GPC6: variants seen among roughly 807,000 people sequenced by gnomAD.
GPC6 encodes glypican 6.
GPC6 carries 14 observed loss-of-function variants against 55.2 expected under a neutral mutation model. The observed-to-expected ratio is 0.25, with a 90% CI of 0.17 to 0.40. GPC6 has a LOEUF of 0.40. GPC6 is among the 10% of genes least tolerant of loss of function. The pLI, the probability that GPC6 is intolerant of heterozygous loss-of-function variation, is 1.00. For missense variants in GPC6, 641 were observed against 708.5 expected (o/e 0.90, Z 1.08); for synonymous variants, 278 against 259.6 (o/e 1.07, Z -0.68).
chr13:94,000,670 A>G (rs1304999404), intron 3 of GPC6, among the ~76,000 whole-genome samples: 1 of 152,216 alleles, frequency 6.6e-6, no homozygotes, highest in Non-Finnish European at 1.5e-5. Flanking sequence ...TAGGCATGGC[A>G]GAAACTTAAA....
chr13:93,393,939 G>A (rs1421561628), intron 1 of GPC6, among the ~76,000 whole-genome samples: 1 of 151,852 alleles, frequency 6.6e-6, no homozygotes, highest in Non-Finnish European at 1.5e-5. Flanking sequence ...GTATAGCAGA[G>A]ACTCAGTAAA....
At chr13:93,415,363 A>G (rs1163412658) in intron 1 of GPC6, among the ~76,000 whole-genome samples, 1 of 152,126 alleles carries the variant, frequency 6.6e-6, no homozygotes, top group Non-Finnish European at 1.5e-5. Flanking sequence ...AATGGTATAA[A>G]TAAGACCTTT....
chr13:93,805,167 G>A (rs186975592), intron 2 of GPC6, among the ~76,000 whole-genome samples: 4 of 152,218 alleles, frequency 2.6e-5, no homozygotes, highest in African/African-American at 7.2e-5. Context: ...CATATGAATA[G>A]CAAGGGCACA....
intron 1 of GPC6, among the ~76,000 whole-genome samples, chr13:93,455,232 C>G (rs1032373651): frequency 2.0e-5 from 3 of 152,192 alleles, no homozygotes; most frequent in African/African-American, 7.2e-5. Flanking sequence ...AAAGGGGCTC[C>G]CACAGTGCAG....
intron 3 of GPC6, among the ~76,000 whole-genome samples, chr13:93,979,473 C>T (rs1411214764): frequency 6.6e-6 from 1 of 151,324 alleles, no homozygotes; most frequent in Non-Finnish European, 1.5e-5. Flanking sequence ...TCCTGGCGCA[C>T]TGTATTAATA....
chr13:94,378,848 A>G (rs1044193344), intron 6 of GPC6, among the ~76,000 whole-genome samples: 3 of 152,222 alleles, frequency 2.0e-5, no homozygotes, highest in Admixed American at 2.0e-4. Context: ...TATTGGTAAG[A>G]GTTCATTTGT....
intron 3 of GPC6, among the ~76,000 whole-genome samples, chr13:93,837,900 G>A (rs1887799643): frequency 6.6e-6 from 1 of 152,172 alleles, no homozygotes; most frequent in Non-Finnish European, 1.5e-5. Context: ...GCAGAGGTGT[G>A]AAACTGAATG....
chr13:93,632,584 G>A (rs1487118962), intron 2 of GPC6, among the ~76,000 whole-genome samples: 4 of 53,418 alleles, frequency 7.5e-5, no homozygotes, highest in Non-Finnish European at 2.9e-4. Flanking sequence ...GCCAAACCAT[G>A]TCTCAAATAT....
At position 94,027,867 on chromosome 13, in the gene GPC6, C is replaced by G; in HGVS notation, c.850C>G (p.Leu284Val). The G allele has an allele frequency of 6.2e-7, 1 of 1,613,954 alleles. No individual in the cohort carries two copies. The highest frequency in any genetic ancestry group is 8.5e-7 in the Non-Finnish European group (1 of 1,179,970). ...GGGCTGCTTGGCAAATCAGGCTGAC[C>G]TCGACACAGAGTGGAATCTGTTTAT... ...MKGCLANQAD[L>V]DTEWNLFIDA... Residue 284 changes from leucine (L) to valine (V), a missense_variant, in exon 4 of 9, where the codon CTC becomes GTC. Transcript: ENST00000377047.
At chr13:94,004,291 C>T (rs185986020) in intron 3 of GPC6, among the ~76,000 whole-genome samples, 3 of 151,950 alleles carry the variant, frequency 2.0e-5, no homozygotes, top group Non-Finnish European at 2.9e-5. Flanking sequence ...TGACTCATTT[C>T]AGGAAATTAA....
chr13:93,459,136 G>T (rs146672494), intron 1 of GPC6, among the ~76,000 whole-genome samples: 2 of 152,134 alleles, frequency 1.3e-5, no homozygotes, highest in Non-Finnish European at 2.9e-5. Context: ...ATAGCTCACC[G>T]CAGTCTTAAC....
At chr13:94,301,269 C>T (rs1411891980) in intron 5 of GPC6, among the ~76,000 whole-genome samples, 1 of 152,098 alleles carries the variant, frequency 6.6e-6, no homozygotes, top group African/African-American at 2.4e-5. Flanking sequence ...GGTTGGCATG[C>T]ACCTGTGGTC....
intron 4 of GPC6, among the ~76,000 whole-genome samples, chr13:94,200,513 G>T (rs1307932602): frequency 6.6e-6 from 1 of 152,174 alleles, no homozygotes. Context: ...TGGAAGAAGA[G>T]GCTTGGAATG....
intron 2 of GPC6, among the ~76,000 whole-genome samples, chr13:93,714,399 G>T (rs534438231): frequency 7.2e-5 from 11 of 151,990 alleles, no homozygotes; most frequent in African/African-American, 2.4e-4. Flanking sequence ...TCTCACACCA[G>T]TCAGAATGGC....
At chr13:93,685,366 G>A (rs959428171) in intron 2 of GPC6, among the ~76,000 whole-genome samples, 31 of 152,092 alleles carry the variant, frequency 2.0e-4, no homozygotes, top group Non-Finnish European at 1.3e-4. Context: ...CCTTATATCC[G>A]GGGCCATGCA....
intron 3 of GPC6, among the ~76,000 whole-genome samples, chr13:93,943,801 T>A (rs1878854211): frequency 6.6e-6 from 1 of 152,208 alleles, no homozygotes; most frequent in Non-Finnish European, 1.5e-5. Context: ...TCACTCTTTT[T>A]AAGGGTGATT....
At chr13:93,553,083 C>A (rs1875244075) in intron 2 of GPC6, among the ~76,000 whole-genome samples, 1 of 152,140 alleles carries the variant, frequency 6.6e-6, no homozygotes, top group African/African-American at 2.4e-5. Context: ...AACTCATGAT[C>A]TCCAGTGAGG....
intron 4 of GPC6, among the ~76,000 whole-genome samples, chr13:94,203,708 A>G (rs1482916898): frequency 6.6e-6 from 1 of 152,114 alleles, no homozygotes; most frequent in Admixed American, 6.6e-5. Flanking sequence ...AATCTCAGGA[A>G]TCAGATTCTT....
Position 93,342,406 on chromosome 13 carries a change from C to T in GPC6, c.160+114790C>T, listed in dbSNP as rs542362426. 3.5e-4 allele frequency among the ~76,000 whole-genome samples: 54 copies of T among 152,186 alleles called. No individual in the cohort carries two copies. In the South Asian group the frequency reaches 6.8e-3, roughly 19 times the overall value. ...AGGAGCAAACCCATGTCTTACATGG[C>T]GGCAGGCAAGAGAGTGTATGCAGGA... On this transcript the variant is annotated intron_variant, in intron 1 of 8. Coordinates refer to ENST00000377047, the MANE Select transcript of GPC6 (RefSeq NM_005708.5).
Sources: gnomAD v4.1 joint callset for allele counts (sites outside exome capture counted in the v4.1 genomes callset) on GRCh38, gnomAD v4.1.1 for gene constraint, MANE v1.5 for transcripts, NCBI Gene and HGNC (gene_info 2026-07-23, HGNC 2026-07-21) for gene names.